PPP2R2C: variants seen among roughly 807,000 people sequenced by gnomAD.
PPP2R2C encodes protein phosphatase 2 regulatory subunit Bgamma, also known as protein phosphatase 2, regulatory subunit B, gamma.
In PPP2R2C, 10 loss-of-function variants were observed where a neutral mutation model predicts 45.3. The observed-to-expected ratio is 0.22, with a 90% CI of 0.14 to 0.37. The LOEUF is 0.37. Among genes scored for constraint, PPP2R2C ranks in the 10% least tolerant of loss-of-function variants. PPP2R2C has a pLI of 1.00. For synonymous variants in PPP2R2C, 257 were observed against 245.4 expected (o/e 1.05, Z -0.44); for missense variants, 308 against 619.7 (o/e 0.50, Z 5.34).
At chr4:6,470,226 G>A (rs1721794798) in intron 1 of PPP2R2C, among the ~76,000 whole-genome samples, 1 of 152,186 alleles carries the variant, frequency 6.6e-6, no homozygotes, top group South Asian at 2.1e-4. Context: ...CCGCACAAGG[G>A]CAGGGAGTCT....
intron 6 of PPP2R2C, among the ~76,000 whole-genome samples, chr4:6,344,071 C>T (rs774665343): frequency 2.0e-5 from 3 of 152,294 alleles, no homozygotes; most frequent in Non-Finnish European, 2.9e-5. Context: ...GCCAACAGGC[C>T]CTTGGGGATT....
intron 2 of PPP2R2C, among the ~76,000 whole-genome samples, chr4:6,482,301 C>T (rs189381071): frequency 9.9e-5 from 15 of 152,266 alleles, no homozygotes; most frequent in African/African-American, 3.6e-4. Flanking sequence ...TATTATCTCC[C>T]TTGTACAAAT....
chr4:6,446,625 T>C (rs1484777012), intron 1 of PPP2R2C, among the ~76,000 whole-genome samples: 1 of 152,062 alleles, frequency 6.6e-6, no homozygotes, highest in Non-Finnish European at 1.5e-5. Flanking sequence ...AATCTTGTCA[T>C]CCTGGGGCAC....
At chr4:6,410,094 C>A (rs1471190197) in intron 1 of PPP2R2C, among the ~76,000 whole-genome samples, 2 of 152,184 alleles carry the variant, frequency 1.3e-5, no homozygotes, top group African/African-American at 2.4e-5. Context: ...GGGGCAGACA[C>A]CCCTGCTCAG....
intron 2 of PPP2R2C, among the ~76,000 whole-genome samples, chr4:6,511,708 GAGGTGA>G (rs1723535076): frequency 2.1e-5 from 1 of 47,060 alleles, no homozygotes; most frequent in Non-Finnish European, 5.5e-5. Context: ...GATGGTGGTG[GAGGTGA>G]TGGTGGTGAT....
At chr4:6,344,185 C>T (rs1046164601) in intron 6 of PPP2R2C, among the ~76,000 whole-genome samples, 3 of 152,252 alleles carry the variant, frequency 2.0e-5, no homozygotes, top group Non-Finnish European at 4.4e-5. Flanking sequence ...CTGCCAGAGC[C>T]TTCTGGAACC....
intron 1 of PPP2R2C, among the ~76,000 whole-genome samples, chr4:6,468,563 G>C (rs1383997210): frequency 5.3e-5 from 8 of 152,122 alleles, no homozygotes; most frequent in Admixed American, 4.6e-4. Flanking sequence ...TGCCTTACCT[G>C]TCAGGCACAT....
intron 2 of PPP2R2C, among the ~76,000 whole-genome samples, chr4:6,483,522 G>T (rs755187198): frequency 6.6e-6 from 1 of 151,898 alleles, no homozygotes; most frequent in Non-Finnish European, 1.5e-5. Context: ...CATTACCCCC[G>T]TGACTAATGA....
At position 6,335,496 on chromosome 4, in the gene PPP2R2C, C is replaced by T. The variant is rs1732776060; in HGVS notation, c.791-1765G>A. Among the ~76,000 whole-genome samples, 4 of 152,038 alleles carry T rather than the reference C, an allele frequency of 2.6e-5. No homozygotes were observed. The South Asian group carries it at 8.3e-4, about 32-fold the overall frequency. On this transcript the variant is annotated intron_variant, in intron 6 of 8. Transcript: ENST00000382599. ...GCAGGGGGAACAGGGACGCAAGGGG[C>T]CACCCACGCAGGATCTCATGGGCCA...
chr4:6,496,946 CG>C (rs1722899979), intron 2 of PPP2R2C, among the ~76,000 whole-genome samples: 2 of 152,004 alleles, frequency 1.3e-5, no homozygotes, highest in South Asian at 4.2e-4. Flanking sequence ...TACGTATGGA[CG>C]GGGGTGGGAG....
intron 1 of PPP2R2C, among the ~76,000 whole-genome samples, chr4:6,403,105 T>C (rs1717536177): frequency 6.6e-6 from 1 of 152,228 alleles, no homozygotes; most frequent in Non-Finnish European, 1.5e-5. Flanking sequence ...CACTGAGCAG[T>C]CTGAAGACTT....
At chr4:6,340,933 T>C (rs1733393666) in intron 6 of PPP2R2C, among the ~76,000 whole-genome samples, 1 of 152,268 alleles carries the variant, frequency 6.6e-6, no homozygotes, top group South Asian at 2.1e-4. Context: ...GTTGGGGAGC[T>C]TTGCCCTGGT....
Position 6,460,298 on chromosome 4 carries a change from T to C in PPP2R2C, c.70+11862A>G, listed in dbSNP as rs186477959. Among the ~76,000 whole-genome samples the C allele has an allele frequency of 2.4e-3, 366 of 152,220 alleles. 1 individual carries two copies. The highest frequency in any genetic ancestry group is 8.7e-3 in the African/African-American group (361 of 41,526). ...TAACTCAATATGCCTGGTGTCCCTCTAAGGACACAGACACACACAGGAAAG... is the reference window on the plus strand; with the variant it reads ...TAACTCAATATGCCTGGTGTCCCTCCAAGGACACAGACACACACAGGAAAG... On this transcript the variant is annotated intron_variant, in intron 1 of 8. Coordinates refer to ENST00000382599, the MANE Select transcript of PPP2R2C (RefSeq NM_020416.4).
intron 2 of PPP2R2C, among the ~76,000 whole-genome samples, chr4:6,487,832 C>G (rs1017790794): frequency 1.3e-5 from 2 of 152,078 alleles, no homozygotes; most frequent in Non-Finnish European, 2.9e-5. Context: ...TTTCAGAAAC[C>G]CCAGTTATAC....
intron 2 of PPP2R2C, among the ~76,000 whole-genome samples, chr4:6,500,740 G>T (rs1723023128): frequency 6.6e-6 from 1 of 152,260 alleles, no homozygotes; most frequent in Non-Finnish European, 1.5e-5. Context: ...CAAGGGCCTT[G>T]CATGGTACAT....
At chr4:6,550,566 C>T (rs188510765) in intron 1 of PPP2R2C, among the ~76,000 whole-genome samples, 1 of 152,326 alleles carries the variant, frequency 6.6e-6, no homozygotes, top group African/African-American at 2.4e-5. Flanking sequence ...CAGACCTGGC[C>T]CCTCCTCACT....
chr4:6,522,508 C>T (rs927263691), intron 2 of PPP2R2C, among the ~76,000 whole-genome samples: 4 of 152,254 alleles, frequency 2.6e-5, no homozygotes, highest in African/African-American at 9.6e-5. Context: ...GAATTCCCAC[C>T]CTGTGTTCCC....
chr4:6,447,069 A>G (rs1019602678), intron 1 of PPP2R2C, among the ~76,000 whole-genome samples: 28 of 152,098 alleles, frequency 1.8e-4, no homozygotes, highest in African/African-American at 6.5e-4. Context: ...GCAGCAGCCC[A>G]AGACAAAGAC....
upstream of PPP2R2C, among the ~76,000 whole-genome samples, chr4:6,475,169 G>A (rs568604233): frequency 2.8e-4 from 43 of 152,330 alleles, 1 homozygote; most frequent in South Asian, 8.1e-3. Context: ...AGGAGAAGGC[G>A]GGAATGGAGA....
Sources: gnomAD v4.1 joint callset for allele counts (sites outside exome capture counted in the v4.1 genomes callset) on GRCh38, gnomAD v4.1.1 for gene constraint, MANE v1.5 for transcripts, NCBI Gene and HGNC (gene_info 2026-07-23, HGNC 2026-07-21) for gene names.